The following ANKRD31 variants were observed in gnomAD, a reference collection of about 807,000 sequenced individuals.
ANKRD31 encodes the protein ankyrin repeat domain-containing protein 31.
In ANKRD31, 147 loss-of-function variants were observed where a neutral mutation model predicts 186.0. The observed-to-expected ratio is 0.79, with a 90% CI of 0.69 to 0.91. The LOEUF (loss-of-function observed/expected upper bound fraction) is 0.91, where lower values mean the gene tolerates loss of function less well. Among genes scored for constraint, ANKRD31 ranks in the 40% least tolerant of loss-of-function variants. The pLI is 0.00. For synonymous variants in ANKRD31, 673 were observed against 736.4 expected (o/e 0.91, Z 1.39); for missense variants, 1,986 against 2,148.8 (o/e 0.92, Z 1.50).
At chr5:75,187,587 G>T (rs539907606) in intron 10 of ANKRD31, among the ~76,000 whole-genome samples, 1 of 152,042 alleles carries the variant, frequency 6.6e-6, no homozygotes, top group Non-Finnish European at 1.5e-5. Flanking sequence ...AGAAAGAACC[G>T]CATATCTCTT....
chr5:75,227,611 T>C (rs1757708643), intron 2 of ANKRD31, among the ~76,000 whole-genome samples: 1 of 152,164 alleles, frequency 6.6e-6, no homozygotes, highest in Non-Finnish European at 1.5e-5. Flanking sequence ...GTAACTCCAT[T>C]TTTACAGACC....
chr5:75,230,969 T>A (rs1479350482), intron 1 of ANKRD31, among the ~76,000 whole-genome samples: 1 of 152,224 alleles, frequency 6.6e-6, no homozygotes, highest in Non-Finnish European at 1.5e-5. Flanking sequence ...GGACCAGTGC[T>A]GGTGGGTTTT....
chr5:75,177,040 G>A (rs1320755072), intron 10 of ANKRD31, among the ~76,000 whole-genome samples: 6 of 152,122 alleles, frequency 3.9e-5, no homozygotes, highest in African/African-American at 1.4e-4. Flanking sequence ...GTCCTTAAAG[G>A]ACCTAATGGA....
chr5:75,175,625 T>C (rs1753725362), intron 10 of ANKRD31, among the ~76,000 whole-genome samples: 1 of 147,000 alleles, frequency 6.8e-6, no homozygotes, highest in African/African-American at 2.5e-5. Flanking sequence ...TAGTTCACTA[T>C]ATGAAAATGT....
chr5:75,138,839 T>C lies in ANKRD31; in HGVS notation c.3733+7A>G, dbSNP rs1158781224. On this transcript the variant is annotated splice_region_variant and intron_variant, in intron 16 of 25. Coordinates refer to ENST00000506364, the MANE Select transcript of ANKRD31 (RefSeq NM_001372053.1). ...TATAAAGGTAATTAAATTAAAAGGA[T>C]CCAAACCTGCATTATCATTTAGATT... The C allele has an allele frequency of 1.3e-6, 2 of 1,535,368 alleles. No homozygotes were observed. The highest frequency in any genetic ancestry group is 4.9e-5 in the East Asian group (2 of 40,874).
chr5:75,085,646 C>G (rs1409492473), intron 23 of ANKRD31, among the ~76,000 whole-genome samples: 3 of 152,128 alleles, frequency 2.0e-5, no homozygotes, highest in African/African-American at 4.8e-5. Flanking sequence ...AAATGATCCA[C>G]CTGCCTTGGC....
At chr5:75,186,638 G>GT (rs997781123) in intron 10 of ANKRD31, among the ~76,000 whole-genome samples, 88 of 152,022 alleles carry the variant, frequency 5.8e-4, no homozygotes, top group African/African-American at 1.8e-3. Context: ...AGTATTCAGA[G>GT]TTTTTTTTAG....
chr5:75,138,073 G>T, intron 16 of ANKRD31, 75 bp from the exon 17 acceptor site: 1 of 1,276,504 alleles, frequency 7.8e-7, no homozygotes, highest in East Asian at 2.6e-5. Flanking sequence ...TATTACTAAG[G>T]TTTTGTTGCA....
At chr5:75,086,500 G>A (rs1745492522) in intron 23 of ANKRD31, among the ~76,000 whole-genome samples, 1 of 152,192 alleles carries the variant, frequency 6.6e-6, no homozygotes, top group Non-Finnish European at 1.5e-5. Context: ...TAGCTCATAT[G>A]CCTACTCTGA....
chr5:75,094,322 C>T (rs1489406469), intron 22 of ANKRD31, among the ~76,000 whole-genome samples: 2 of 151,930 alleles, frequency 1.3e-5, no homozygotes, highest in Non-Finnish European at 2.9e-5. Flanking sequence ...TTTTACAAAG[C>T]AATAATTATA....
intron 5 of ANKRD31, among the ~76,000 whole-genome samples, chr5:75,205,687 C>A (rs1193565410): frequency 1.3e-5 from 2 of 152,128 alleles, no homozygotes; most frequent in African/African-American, 4.8e-5. Flanking sequence ...GAAGACAGAG[C>A]TTTTTAAATT....
At chr5:75,124,889 G>T (rs547210274) in intron 17 of ANKRD31, among the ~76,000 whole-genome samples, 17 of 151,992 alleles carry the variant, frequency 1.1e-4, no homozygotes, top group Admixed American at 9.8e-4. Context: ...TTGAGTGATG[G>T]TTACATTAAA....
At chr5:75,074,086 T>C (rs1744442506) in intron 25 of ANKRD31, among the ~76,000 whole-genome samples, 1 of 152,168 alleles carries the variant, frequency 6.6e-6, no homozygotes, top group African/African-American at 2.4e-5. Context: ...ACTTCTCAAT[T>C]TCCTATAATC....
intron 4 of ANKRD31, among the ~76,000 whole-genome samples, chr5:75,207,713 A>G (rs1187015468): frequency 1.3e-5 from 2 of 152,134 alleles, no homozygotes; most frequent in Non-Finnish European, 2.9e-5. Context: ...AAACAAAAAT[A>G]TAAATAAAGC....
chr5:75,088,735 A>C (rs1426842454), intron 23 of ANKRD31, among the ~76,000 whole-genome samples: 1 of 152,242 alleles, frequency 6.6e-6, no homozygotes, highest in East Asian at 1.9e-4. Context: ...AGGCTAAATC[A>C]GGTCACTTAA....
chr5:75,172,272 T>C (rs1407908640), intron 10 of ANKRD31, among the ~76,000 whole-genome samples: 1 of 151,756 alleles, frequency 6.6e-6, no homozygotes, highest in Non-Finnish European at 1.5e-5. Context: ...ATAAAGCTAA[T>C]TCACCACAGT....
intron 2 of ANKRD31, among the ~76,000 whole-genome samples, chr5:75,223,616 A>G (rs1419180552): frequency 6.6e-6 from 1 of 152,096 alleles, no homozygotes; most frequent in African/African-American, 2.4e-5. Flanking sequence ...ATAGAAATAT[A>G]CCCCCTATAG....
chr5:75,084,138 A>G, intron 24 of ANKRD31, 134 bp downstream of exon 24: 1 of 676,258 alleles, frequency 1.5e-6, no homozygotes, highest in South Asian at 2.0e-5. Flanking sequence ...TGAATTGTTC[A>G]CCTTGAAATA....
chr5:75,148,632 TA>T lies in ANKRD31; in HGVS notation c.1853-5del. 2 of 1,518,220 alleles carry T rather than the reference TA, an allele frequency of 1.3e-6. No individual in the cohort carries two copies. The highest frequency in any genetic ancestry group is 1.8e-6 in the Non-Finnish European group (2 of 1,137,052). 94.0% of individuals were successfully genotyped at this position (1,518,220 alleles called of 1,614,324 possible). A position where few individuals can be genotyped will look rare whatever the true frequency, so the allele number is the denominator to read the frequency against. On this transcript the variant is annotated splice_polypyrimidine_tract_variant and splice_region_variant and intron_variant, in intron 12 of 25. Coordinates refer to ENST00000506364, the MANE Select transcript of ANKRD31 (RefSeq NM_001372053.1). The stretch of plus-strand genomic sequence containing the variant: ...GGGTCAATGCTACTCCTTTGAGCTG[TA>T]AACAAAAAGAGAAAATCAATGAAAA...
Sources: allele counts gnomAD v4.1 joint callset (sites outside exome capture counted in the v4.1 genomes callset), GRCh38; gene constraint gnomAD v4.1.1; transcripts MANE v1.5; gene names NCBI Gene and HGNC (gene_info 2026-07-23, HGNC 2026-07-21).